ASTN2: variants seen among roughly 807,000 people sequenced by gnomAD.
ASTN2 encodes the protein astrotactin 2.
A neutral mutation model predicts 139.8 loss-of-function variants in ASTN2; 54 were observed. The ratio of observed to expected loss-of-function variants is 0.39; its 90% CI spans 0.31 to 0.48. ASTN2 has a LOEUF of 0.48. Ranked by LOEUF, ASTN2 falls within the 20% of genes least tolerant of loss-of-function variation. The pLI, the probability that ASTN2 is intolerant of heterozygous loss-of-function variation, is 0.95. For synonymous variants in ASTN2, 756 were observed against 719.5 expected, an observed-to-expected ratio of 1.05 and a Z score of -0.81; for missense variants, 1,565 against 1,725.1, an observed-to-expected ratio of 0.91 and a Z score of 1.64.
At chr9:116,580,955 C>T (rs927746207) in intron 19 of ASTN2, among the ~76,000 whole-genome samples, 2 of 150,684 alleles carry the variant, frequency 1.3e-5, no homozygotes, top group Non-Finnish European at 3.0e-5. Context: ...TAGAAGGAGA[C>T]CAACAACAAA....
chr9:117,088,686 T>C (rs1158315246), intron 5 of ASTN2, among the ~76,000 whole-genome samples: 4 of 152,250 alleles, frequency 2.6e-5, no homozygotes, highest in Admixed American at 6.5e-5. Context: ...GTAGCATTCA[T>C]GCTCTGGTTC....
At chr9:117,230,149 C>T (rs1327035102) in intron 2 of ASTN2, among the ~76,000 whole-genome samples, 2 of 148,282 alleles carry the variant, frequency 1.3e-5, no homozygotes, top group African/African-American at 2.5e-5. Context: ...GATCCTGAGC[C>T]TCTGTGGAAT....
At chr9:117,400,420 G>T in intron 1 of ASTN2, among the ~76,000 whole-genome samples, 1 of 152,158 alleles carries the variant, frequency 6.6e-6, no homozygotes, top group East Asian at 1.9e-4. Context: ...TTCCCTAGAG[G>T]CTTCTGTGGT....
chr9:117,152,488 CA>C (rs1830347111), intron 3 of ASTN2, among the ~76,000 whole-genome samples: 1 of 152,108 alleles, frequency 6.6e-6, no homozygotes, highest in South Asian at 2.1e-4. Context: ...ACATTAATTC[CA>C]AAGACACAGC....
intron 13 of ASTN2, among the ~76,000 whole-genome samples, chr9:116,777,405 C>T (rs890499237): frequency 6.6e-6 from 1 of 152,148 alleles, no homozygotes; most frequent in Admixed American, 6.5e-5. Flanking sequence ...AACTGAAGGT[C>T]AGAGTGGGAG....
intron 5 of ASTN2, among the ~76,000 whole-genome samples, chr9:117,052,991 A>C (rs1411177679): frequency 2.6e-5 from 4 of 152,234 alleles, no homozygotes; most frequent in African/African-American, 9.6e-5. Flanking sequence ...TTGAAGCAAG[A>C]AAGGCTCAGT....
At chr9:116,871,948 C>A (rs929903398) in intron 10 of ASTN2, among the ~76,000 whole-genome samples, 1 of 152,140 alleles carries the variant, frequency 6.6e-6, no homozygotes, top group South Asian at 2.1e-4. Context: ...CCCAGCTTCA[C>A]TCAGTATGAG....
intron 3 of ASTN2, among the ~76,000 whole-genome samples, chr9:117,183,726 T>C (rs563154270): frequency 6.6e-6 from 1 of 152,318 alleles, no homozygotes; most frequent in South Asian, 2.1e-4. Context: ...TTAGATACCT[T>C]GGTTGAAGAC....
intron 20 of ASTN2, among the ~76,000 whole-genome samples, chr9:116,484,519 C>A (rs1252534590): frequency 1.3e-5 from 2 of 152,108 alleles, no homozygotes; most frequent in East Asian, 3.9e-4. Context: ...AAATGAGAAT[C>A]CCCAAGAACT....
chr9:117,072,770 A>G (rs1370250923), intron 5 of ASTN2, among the ~76,000 whole-genome samples: 1 of 152,192 alleles, frequency 6.6e-6, no homozygotes, highest in Non-Finnish European at 1.5e-5. Context: ...GGTATATAGA[A>G]TTTAAGTGGC....
intron 10 of ASTN2, among the ~76,000 whole-genome samples, chr9:116,884,854 C>T (rs1833553961): frequency 7.7e-6 from 1 of 129,052 alleles, no homozygotes; most frequent in Non-Finnish European, 1.6e-5. Flanking sequence ...CGCACTCTTT[C>T]ACCCAGGCCA....
At chr9:117,175,375 G>A (rs1830892090) in intron 3 of ASTN2, among the ~76,000 whole-genome samples, 1 of 152,124 alleles carries the variant, frequency 6.6e-6, no homozygotes, top group Non-Finnish European at 1.5e-5. Context: ...TTTTGCAAGT[G>A]AGTCTGTAAA....
At chr9:117,339,874 C>T (rs1293822690) in intron 1 of ASTN2, among the ~76,000 whole-genome samples, 1 of 147,974 alleles carries the variant, frequency 6.8e-6, no homozygotes, top group South Asian at 2.1e-4. Context: ...TTTAATGCAC[C>T]GATCTGTTAA....
chr9:116,518,258 A>C (rs1450422385), intron 19 of ASTN2, among the ~76,000 whole-genome samples: 1 of 152,162 alleles, frequency 6.6e-6, no homozygotes, highest in Non-Finnish European at 1.5e-5. Context: ...CTGTGAGGCA[A>C]AAACATCAGG....
chr9:116,808,283 G>A (rs1588310382), intron 12 of ASTN2, among the ~76,000 whole-genome samples: 1 of 85,758 alleles, frequency 1.2e-5, no homozygotes, highest in Admixed American at 1.1e-4. Flanking sequence ...CATATTGTGT[G>A]TGTGTGTGTG....
chr9:116,893,910 C>G (rs904546569), intron 10 of ASTN2, among the ~76,000 whole-genome samples: 2 of 152,198 alleles, frequency 1.3e-5, no homozygotes, highest in African/African-American at 4.8e-5. Flanking sequence ...CGTCTGCCCC[C>G]AGGCCCACGC....
At chr9:116,613,515 A>C (rs1855666551) in intron 19 of ASTN2, 1 of 153,738 alleles carries the variant, frequency 6.5e-6, no homozygotes, top group Non-Finnish European at 1.4e-5. Context: ...GCACATCAAA[A>C]AGCTTATCCA....
chr9:116,614,362 G>T (rs1178519000), intron 19 of ASTN2, among the ~76,000 whole-genome samples: 1 of 152,026 alleles, frequency 6.6e-6, no homozygotes, highest in African/African-American at 2.4e-5. Flanking sequence ...CACAGAATTG[G>T]AAAAAACTAC....
At chr9:116,988,018 A>G (rs1430416312) in intron 7 of ASTN2, among the ~76,000 whole-genome samples, 3 of 152,226 alleles carry the variant, frequency 2.0e-5, no homozygotes, top group Non-Finnish European at 4.4e-5. Context: ...TTTAAAAGTT[A>G]TAAATTGTTT....
Sources: allele counts gnomAD v4.1 joint callset (sites outside exome capture counted in the v4.1 genomes callset), GRCh38; gene constraint gnomAD v4.1.1; transcripts MANE v1.5; gene names NCBI Gene and HGNC (gene_info 2026-07-23, HGNC 2026-07-21).